DAD1: variants seen among roughly 807,000 people sequenced by gnomAD.
DAD1 encodes the protein defender against cell death 1, also known as dolichyl-diphosphooligosaccharide--protein glycosyltransferase subunit DAD1.
DAD1 carries 4 observed loss-of-function variants against 9.0 expected under a neutral mutation model. The ratio of observed to expected loss-of-function variants is 0.44; its 90% CI spans 0.22 to 1.01. The LOEUF (loss-of-function observed/expected upper bound fraction) is 1.01. Ranked by LOEUF, DAD1 falls within the 50% of genes least tolerant of loss-of-function variation. DAD1 has a pLI of 0.24. For missense variants in DAD1, 119 were observed against 137.3 expected, an observed-to-expected ratio of 0.87 and a Z score of 0.67; for synonymous variants, 60 against 62.5, an observed-to-expected ratio of 0.96 and a Z score of 0.19.
At chr14:22,566,499 A>G (rs1301042224) in intron 2 of DAD1, among the ~76,000 whole-genome samples, 3 of 152,088 alleles carry the variant, frequency 2.0e-5, no homozygotes, top group Admixed American at 2.0e-4. Flanking sequence ...ACACCCAGCT[A>G]ATTTTTGCAT....
At chr14:22,585,759 G>A (rs1318766025) in intron 1 of DAD1, among the ~76,000 whole-genome samples, 7 of 152,098 alleles carry the variant, frequency 4.6e-5, no homozygotes, top group African/African-American at 1.4e-4. Context: ...AAAATGTACT[G>A]GTCAATTTCC....
intron 2 of DAD1, among the ~76,000 whole-genome samples, 199 bp from the exon 3 acceptor site, chr14:22,565,336 A>G (rs1343488066): frequency 1.3e-5 from 2 of 152,250 alleles, no homozygotes; most frequent in African/African-American, 4.8e-5. Flanking sequence ...AGAAAAATTA[A>G]TGTCAAAACT....
intron 1 of DAD1, among the ~76,000 whole-genome samples, chr14:22,580,866 A>G (rs2037111579): frequency 6.6e-6 from 1 of 152,096 alleles, no homozygotes; most frequent in Admixed American, 6.5e-5. Context: ...CAGATGGAGA[A>G]TTATCAACTT....
chr14:22,583,533 C>G (rs2037132505), intron 1 of DAD1, among the ~76,000 whole-genome samples: 1 of 152,052 alleles, frequency 6.6e-6, no homozygotes, highest in Non-Finnish European at 1.5e-5. Context: ...GAAGTAGGAA[C>G]ATTAATTATT....
intron 1 of DAD1, among the ~76,000 whole-genome samples, chr14:22,583,809 G>A (rs975488828): frequency 1.3e-5 from 2 of 152,068 alleles, no homozygotes; most frequent in African/African-American, 4.8e-5. Flanking sequence ...AGAAGTCAGA[G>A]AGTATGGGTA....
chr14:22,571,223 G>A (rs986835229), intron 2 of DAD1, among the ~76,000 whole-genome samples: 4 of 124,188 alleles, frequency 3.2e-5, no homozygotes, highest in Non-Finnish European at 6.5e-5. Flanking sequence ...GCTGCGGCAG[G>A]AGAATTGCTT....
chr14:22,566,407 T>TC lies in DAD1; in HGVS notation c.*45-1271dup, dbSNP rs370661655. Among the ~76,000 whole-genome samples the TC allele has an allele frequency of 1.8e-3, 268 of 152,024 alleles. 1 individual carries two copies. The highest frequency in any genetic ancestry group is 6.4e-3 in the African/African-American group (264 of 41,466). The stretch of plus-strand genomic sequence containing the variant: ...TGGAGTGCAATGGCGTGATCTCGGG[T>TC]CACCGCAACCTCCGCCTCCCGGGTT... On this transcript the variant is annotated intron_variant, in intron 2 of 2. Transcript: ENST00000250498.
At chr14:22,568,131 A>G (rs894217720) in intron 2 of DAD1, among the ~76,000 whole-genome samples, 1 of 152,164 alleles carries the variant, frequency 6.6e-6, no homozygotes, top group Non-Finnish European at 1.5e-5. Flanking sequence ...CCCCTCAGTC[A>G]CTTATTAGTT....
intron 2 of DAD1, chr14:22,567,021 GTT>G (rs2037006141): frequency 6.6e-6 from 1 of 152,156 alleles, no homozygotes; most frequent in Non-Finnish European, 1.5e-5. Flanking sequence ...GGGCATAAAG[GTT>G]TCAGGAAACT....
intron 2 of DAD1, among the ~76,000 whole-genome samples, chr14:22,573,182 T>G (rs1194661680): frequency 8.2e-6 from 1 of 121,548 alleles, no homozygotes; most frequent in Non-Finnish European, 1.7e-5. Context: ...CACTTTTGGG[T>G]TTTTTTTTTT....
At chr14:22,584,193 C>T (rs5742761) in intron 1 of DAD1, among the ~76,000 whole-genome samples, 2 of 151,942 alleles carry the variant, frequency 1.3e-5, no homozygotes, top group Non-Finnish European at 2.9e-5. Flanking sequence ...TCATTGCTCA[C>T]TATTCCTGAC....
intron 2 of DAD1, among the ~76,000 whole-genome samples, chr14:22,568,073 CAGGA>C (rs1373556791): frequency 1.3e-5 from 2 of 152,108 alleles, no homozygotes; most frequent in Non-Finnish European, 2.9e-5. Flanking sequence ...CTAAACATAA[CAGGA>C]AGGAATATAA....
rs564991930 is a variant in DAD1, at chr14:22,581,878, G to A, written c.212-6645C>T. ...ACAGTACGGATTCAGTTATAAGAGCGGTGGAACAGTATAATGGTTCGCAAG... is the reference window on the plus strand; with the variant it reads ...ACAGTACGGATTCAGTTATAAGAGCAGTGGAACAGTATAATGGTTCGCAAG... On this transcript the variant is annotated intron_variant, in intron 1 of 2. Transcript: ENST00000250498. 8.5e-5 allele frequency among the ~76,000 whole-genome samples: 13 copies of A among 152,118 alleles called. No individual in the cohort carries two copies. In the South Asian group the frequency reaches 1.9e-3, roughly 22 times the overall value.
intron 2 of DAD1, among the ~76,000 whole-genome samples, chr14:22,571,239 C>T (rs955286264): frequency 2.1e-5 from 3 of 144,504 alleles, no homozygotes; most frequent in Admixed American, 1.4e-4. Context: ...TGCTTGAACC[C>T]GGGAGGCAGG....
chr14:22,583,214 T>A (rs772448115), intron 1 of DAD1, among the ~76,000 whole-genome samples: 9 of 151,676 alleles, frequency 5.9e-5, no homozygotes, highest in African/African-American at 1.5e-4. Flanking sequence ...GGAGTAGTTG[T>A]AGGTATACAG....
At chr14:22,581,608 T>G (rs1205615829) in intron 1 of DAD1, among the ~76,000 whole-genome samples, 2 of 151,844 alleles carry the variant, frequency 1.3e-5, no homozygotes, top group Non-Finnish European at 2.9e-5. Context: ...CCAGGCTTGG[T>G]GGTGCATGCC....
intron 1 of DAD1, among the ~76,000 whole-genome samples, chr14:22,588,124 C>A (rs2037166745): frequency 6.6e-6 from 1 of 152,186 alleles, no homozygotes; most frequent in South Asian, 2.1e-4. Flanking sequence ...AAGCTTTTAC[C>A]ATAATGCCTC....
chr14:22,580,945 A>G (rs1179945915), intron 1 of DAD1, among the ~76,000 whole-genome samples: 1 of 152,168 alleles, frequency 6.6e-6, no homozygotes, highest in Non-Finnish European at 1.5e-5. Flanking sequence ...AAGGCAAAAA[A>G]AAAAGCCTGT....
At chr14:22,574,928 C>A (rs2037066086) in intron 2 of DAD1, 131 bp downstream of exon 2, 1 of 700,866 alleles carries the variant, frequency 1.4e-6, no homozygotes, top group East Asian at 2.6e-5. Flanking sequence ...GCATACTTTG[C>A]AGACCAATGG....
Sources: gnomAD v4.1 joint callset for allele counts (sites outside exome capture counted in the v4.1 genomes callset) on GRCh38, gnomAD v4.1.1 for gene constraint, MANE v1.5 for transcripts, NCBI Gene and HGNC (gene_info 2026-07-23, HGNC 2026-07-21) for gene names.